The following UXS1 variants were observed in gnomAD, a reference collection of about 807,000 sequenced individuals.
UXS1 encodes UDP-glucuronate decarboxylase 1.
In UXS1, 33 loss-of-function variants were observed where a neutral mutation model predicts 62.6. The ratio of observed to expected loss-of-function variants is 0.53; its 90% CI spans 0.40 to 0.70. The LOEUF (loss-of-function observed/expected upper bound fraction) is 0.70, where lower values mean the gene tolerates loss of function less well. Among genes scored for constraint, UXS1 ranks in the 30% least tolerant of loss-of-function variants. UXS1 has a pLI of 0.00. For missense variants in UXS1, 434 were observed against 556.3 expected, an observed-to-expected ratio of 0.78 and a Z score of 2.21; for synonymous variants, 213 against 206.8, an observed-to-expected ratio of 1.03 and a Z score of -0.26.
At chr2:106,150,254 A>G (rs868415809) in intron 5 of UXS1, among the ~76,000 whole-genome samples, 1 of 152,256 alleles carries the variant, frequency 6.6e-6, no homozygotes, top group Non-Finnish European at 1.5e-5. Flanking sequence ...AAATTTTTTA[A>G]GTCCCCAGCC....
intron 1 of UXS1, among the ~76,000 whole-genome samples, chr2:106,175,162 C>T (rs1683801252): frequency 6.6e-6 from 1 of 152,326 alleles, no homozygotes; most frequent in African/African-American, 2.4e-5. Flanking sequence ...AGCAGGAACA[C>T]TTTAATTTAG....
At chr2:106,119,648 A>G (rs1679361841) in intron 9 of UXS1, among the ~76,000 whole-genome samples, 1 of 152,164 alleles carries the variant, frequency 6.6e-6, no homozygotes, top group South Asian at 2.1e-4. Context: ...ACACAGTCAT[A>G]GTCCCAGAAA....
intron 1 of UXS1, among the ~76,000 whole-genome samples, chr2:106,188,632 C>G (rs73951252): frequency 0.014 from 2,186 of 152,340 alleles, 60 homozygotes; most frequent in African/African-American, 0.05. Flanking sequence ...CAAGCCTCCC[C>G]TTCCTGCAGG....
At chr2:106,150,448 C>G (rs1373335891) in intron 5 of UXS1, among the ~76,000 whole-genome samples, 2 of 152,206 alleles carry the variant, frequency 1.3e-5, no homozygotes, top group African/African-American at 4.8e-5. Flanking sequence ...CAGAGAGGTG[C>G]TCGAGGTCAC....
intron 13 of UXS1, among the ~76,000 whole-genome samples, chr2:106,097,934 C>A (rs544896463): frequency 4.6e-5 from 7 of 152,358 alleles, no homozygotes; most frequent in African/African-American, 1.7e-4. Context: ...TTCCAGCCAT[C>A]CGGGTCGATT....
At chr2:106,158,180 G>A (rs1573534173) in intron 4 of UXS1, 62 bp from the exon 5 acceptor site, 1 of 1,391,676 alleles carries the variant, frequency 7.2e-7, no homozygotes, top group Non-Finnish European at 9.9e-7. Context: ...TATTTTCTCT[G>A]TCTACCATCA....
chr2:106,112,248 C>T (rs764225571), intron 10 of UXS1, among the ~76,000 whole-genome samples: 40 of 152,212 alleles, frequency 2.6e-4, no homozygotes, highest in Non-Finnish European at 4.4e-4. Context: ...AAGGTGACGG[C>T]CCAGCCTGAC....
intron 6 of UXS1, among the ~76,000 whole-genome samples, chr2:106,130,006 T>C (rs1680301408): frequency 6.6e-6 from 1 of 152,228 alleles, no homozygotes; most frequent in Non-Finnish European, 1.5e-5. Flanking sequence ...GCTGAGTCTG[T>C]TCTCGTGTAA....
intron 6 of UXS1, among the ~76,000 whole-genome samples, chr2:106,142,519 G>A (rs1392991193): frequency 6.6e-6 from 1 of 152,138 alleles, no homozygotes; most frequent in Non-Finnish European, 1.5e-5. Flanking sequence ...TCTGGTCTGA[G>A]AGGACACTTT....
At position 106,140,528 on chromosome 2, in the gene UXS1, G is replaced by C. The variant is rs141714634; in HGVS notation, c.472+4662C>G. On this transcript the variant is annotated intron_variant, in intron 6 of 14. Coordinates refer to ENST00000283148, the MANE Select transcript of UXS1 (RefSeq NM_001253875.2). Reference sequence around the variant, plus strand: ...CCCTCCTCTTTAGGGTGGGTGCCCAGGGTTGATGGCTTGGCTCTCCCATCT... The same window carrying C: ...CCCTCCTCTTTAGGGTGGGTGCCCACGGTTGATGGCTTGGCTCTCCCATCT... Among the ~76,000 whole-genome samples, 788 of 152,244 alleles carry C rather than the reference G, an allele frequency of 5.2e-3. 10 individuals are homozygous for C. Among genetic ancestry groups the C allele is most frequent in the Admixed American group, 0.033 (499 of 15,280 alleles).
intron 5 of UXS1, among the ~76,000 whole-genome samples, chr2:106,148,434 A>C (rs191207424): frequency 1.3e-5 from 2 of 152,350 alleles, no homozygotes; most frequent in Admixed American, 1.3e-4. Context: ...ATTTCTGAAA[A>C]CAAAATGTTC....
chr2:106,172,850 C>T (rs981387872), intron 1 of UXS1, among the ~76,000 whole-genome samples: 2 of 152,178 alleles, frequency 1.3e-5, no homozygotes, highest in Non-Finnish European at 2.9e-5. Context: ...CTCGTCATTC[C>T]TCAGACTTGC....
At chr2:106,120,829 T>A (rs978144023) in intron 9 of UXS1, among the ~76,000 whole-genome samples, 2 of 152,226 alleles carry the variant, frequency 1.3e-5, no homozygotes, top group South Asian at 4.1e-4. Flanking sequence ...ACATGCCTGG[T>A]GACTCCATAG....
rs773693317 is a variant in UXS1, at chr2:106,112,749, C to T, written c.776G>A (p.Arg259Gln). The change falls in exon 10 of 15, where the codon CGA becomes CAA. Residue 259 changes from arginine (R) to glutamine (Q), a missense_variant. By Grantham distance (43) the Arg-to-Gln change is conservative (BLOSUM62 1). Around this residue, in one of 3 missense-constraint regions of UXS1, gnomAD observed 209 missense variants for 233.3 expected, o/e 0.90. Transcript: ENST00000283148. ...AAAGGTGTTGAAGATTCTGGCCACT[C>T]GCACTTCCACGCCTTCCTGGAACAG... ...AYMKQEGVEV[R>Q]VARIFNTFGP... 4 of 1,613,650 alleles carry T rather than the reference C, an allele frequency of 2.5e-6. No individual in the cohort carries two copies. The highest frequency in any genetic ancestry group is 1.3e-5 in the African/African-American group (1 of 74,934).
chr2:106,096,905 C>T, intron 13 of UXS1, 84 bp from the exon 14 acceptor site: 1 of 1,333,808 alleles, frequency 7.5e-7, no homozygotes, highest in Non-Finnish European at 1.1e-6. Context: ...CAAAGGCAAA[C>T]CCCATATGTG....
intron 10 of UXS1, 146 bp from the exon 11 acceptor site, chr2:106,104,983 C>T (rs181878151): frequency 3.9e-4 from 358 of 909,884 alleles, no homozygotes; most frequent in Admixed American, 3.3e-3. Context: ...CACCACATCC[C>T]GCACTCTACT....
chr2:106,155,584 G>C (rs1381559869), intron 5 of UXS1, among the ~76,000 whole-genome samples: 11 of 152,184 alleles, frequency 7.2e-5, no homozygotes, highest in Non-Finnish European at 1.5e-4. Flanking sequence ...ATAGCAACAT[G>C]CTGTACAGAT....
At chr2:106,144,496 A>C (rs779091007) in intron 6 of UXS1, among the ~76,000 whole-genome samples, 5 of 152,262 alleles carry the variant, frequency 3.3e-5, no homozygotes, top group Non-Finnish European at 7.3e-5. Context: ...CAAGCCCAAC[A>C]GTTAACATTC....
At chr2:106,170,159 T>TG (rs998218403) in intron 1 of UXS1, among the ~76,000 whole-genome samples, 2 of 152,106 alleles carry the variant, frequency 1.3e-5, no homozygotes, top group Non-Finnish European at 2.9e-5. Flanking sequence ...AGCAGGCCCC[T>TG]GCAAGCAGCC....
Sources: gnomAD v4.1 joint callset for allele counts (sites outside exome capture counted in the v4.1 genomes callset) on GRCh38, gnomAD v4.1.1 for gene constraint, gnomAD v4.1.1 regional missense constraint, MANE v1.5 for transcripts, NCBI Gene and HGNC (gene_info 2026-07-23, HGNC 2026-07-21) for gene names.